The following PTPN9 variants were observed in gnomAD, a reference collection of about 807,000 sequenced individuals.
The protein encoded by PTPN9 is protein tyrosine phosphatase non-receptor type 9, also known as tyrosine-protein phosphatase non-receptor type 9.
A neutral mutation model predicts 69.8 loss-of-function variants in PTPN9; 26 were observed. The ratio of observed to expected loss-of-function variants is 0.37; its 90% CI spans 0.27 to 0.52. The LOEUF is 0.52. PTPN9 is among the 20% of genes least tolerant of loss of function. The pLI is 0.91. For synonymous variants in PTPN9, 274 were observed against 272.5 expected (o/e 1.01, Z -0.05); for missense variants, 549 against 740.3 (o/e 0.74, Z 3.00).
Position 75,463,642 on chromosome 15 carries a change from T to C in PTPN9, c.*5127A>G, listed in dbSNP as rs1282710666. The C allele has an allele frequency of 2.0e-5, 3 of 152,196 alleles. No homozygotes were observed. The highest frequency in any genetic ancestry group is 7.2e-5 in the African/African-American group (3 of 41,450). 9.4% of individuals were successfully genotyped at this position (152,196 alleles called of 1,614,324 possible). A position where few individuals can be genotyped will look rare whatever the true frequency, so the allele number is the denominator to read the frequency against. On this transcript the variant is annotated 3_prime_UTR_variant, in exon 13 of 13. Transcript: ENST00000618819. ...GTAAAGAAGGGAGATTTAAACATTGTAACAGGTTTCAAGGTGCTAGATTTT... is the reference window on the plus strand; with the variant it reads ...GTAAAGAAGGGAGATTTAAACATTGCAACAGGTTTCAAGGTGCTAGATTTT...
Position 75,466,198 on chromosome 15 carries a change from C to G in PTPN9, c.*2571G>C, listed in dbSNP as rs1327857221. 6.6e-6 allele frequency: 1 copy of G among 152,134 alleles called. No homozygotes were observed. The highest frequency in any genetic ancestry group is 1.5e-5 in the Non-Finnish European group (1 of 68,034). 9.4% of individuals were successfully genotyped at this position (152,134 alleles called of 1,614,324 possible). ...TCTCAATTTTTTTCTTCTGTCAATA[C>G]CTACCTCAAAAGGTTGTTGAGGGTG... On this transcript the variant is annotated 3_prime_UTR_variant, in exon 13 of 13. Transcript: ENST00000618819.
At chr15:75,487,575 C>G (rs896543820) in intron 8 of PTPN9, 2 of 152,090 alleles carry the variant, frequency 1.3e-5, no homozygotes, top group Non-Finnish European at 1.5e-5. Context: ...ACAGGGAAGT[C>G]AACAAAATGG....
chr15:75,535,565 T>A (rs1041978323), intron 1 of PTPN9, among the ~76,000 whole-genome samples: 3 of 152,160 alleles, frequency 2.0e-5, no homozygotes, highest in African/African-American at 7.2e-5. Context: ...AAAAATGCAG[T>A]CAGTCATCCT....
intron 9 of PTPN9, among the ~76,000 whole-genome samples, chr15:75,478,090 C>T (rs1002115450): frequency 4.6e-5 from 7 of 151,984 alleles, no homozygotes; most frequent in Non-Finnish European, 8.8e-5. Flanking sequence ...CCGCCTGCCT[C>T]GGCCTCCCAA....
chr15:75,485,461 C>T (rs1173167649), intron 8 of PTPN9, among the ~76,000 whole-genome samples: 2 of 150,186 alleles, frequency 1.3e-5, no homozygotes, highest in East Asian at 2.0e-4. Flanking sequence ...CTCCGCTTCC[C>T]GGGTTCACGC....
intron 7 of PTPN9, among the ~76,000 whole-genome samples, chr15:75,503,177 A>G (rs1355136356): frequency 7.1e-6 from 1 of 140,596 alleles, no homozygotes; most frequent in Admixed American, 7.0e-5. Context: ...CCGCCATCCC[A>G]TCTAGGAAGT....
chr15:75,534,367 C>T (rs1374310116), intron 1 of PTPN9, among the ~76,000 whole-genome samples: 3 of 152,134 alleles, frequency 2.0e-5, no homozygotes, highest in Non-Finnish European at 2.9e-5. Context: ...CAAAACCATA[C>T]ATTTAAACTA....
intron 1 of PTPN9, among the ~76,000 whole-genome samples, chr15:75,554,153 G>A (rs553764251): frequency 1.5e-4 from 23 of 150,534 alleles, no homozygotes; most frequent in African/African-American, 4.1e-4. Flanking sequence ...CAAGTAGCTG[G>A]GACTACAGGA....
At position 75,466,220 on chromosome 15, in the gene PTPN9, G is replaced by A. The variant is rs754481199; in HGVS notation, c.*2549C>T. On this transcript the variant is annotated 3_prime_UTR_variant, in exon 13 of 13. Transcript: ENST00000618819. ...ATACCTACCTCAAAAGGTTGTTGAG[G>A]GTGAATGAGATGATACCTAGAAATT... 1 of 152,144 alleles carries A rather than the reference G, an allele frequency of 6.6e-6. No individual in the cohort carries two copies. The highest frequency in any genetic ancestry group is 2.4e-5 in the African/African-American group (1 of 41,424). 9.4% of individuals were successfully genotyped at this position (152,144 alleles called of 1,614,324 possible).
At chr15:75,486,396 T>C (rs1243359408) in intron 8 of PTPN9, among the ~76,000 whole-genome samples, 1 of 152,136 alleles carries the variant, frequency 6.6e-6, no homozygotes, top group Non-Finnish European at 1.5e-5. Flanking sequence ...CCCTCACCCC[T>C]TCCCCTTCTG....
At chr15:75,537,330 T>G (rs1595964279) in intron 1 of PTPN9, among the ~76,000 whole-genome samples, 1 of 103,394 alleles carries the variant, frequency 9.7e-6, no homozygotes, top group Non-Finnish European at 1.9e-5. Flanking sequence ...CCAGCCTGGG[T>G]GACACAGTGA....
intron 5 of PTPN9, among the ~76,000 whole-genome samples, chr15:75,516,432 T>C (rs1388054717): frequency 2.0e-5 from 3 of 151,282 alleles, no homozygotes; most frequent in Non-Finnish European, 4.4e-5. Context: ...GCCTCCCAAG[T>C]AGCTGGGACT....
At chr15:75,574,437 CA>C (rs1022242447) in intron 1 of PTPN9, among the ~76,000 whole-genome samples, 2 of 151,998 alleles carry the variant, frequency 1.3e-5, no homozygotes, top group African/African-American at 4.8e-5. Context: ...AGGTGGGAAA[CA>C]AAAGTCCTGT....
At chr15:75,514,306 C>T (rs1280180822) in intron 5 of PTPN9, among the ~76,000 whole-genome samples, 2 of 151,878 alleles carry the variant, frequency 1.3e-5, no homozygotes, top group African/African-American at 4.8e-5. Context: ...GGGTCGGGCA[C>T]AGTGGTTCAC....
At chr15:75,480,503 A>C (rs1180867814) in intron 8 of PTPN9, among the ~76,000 whole-genome samples, 1 of 149,290 alleles carries the variant, frequency 6.7e-6, no homozygotes, top group East Asian at 2.1e-4. Context: ...CGGAGGCCCC[A>C]GAAGGCTCGA....
intron 1 of PTPN9, among the ~76,000 whole-genome samples, chr15:75,547,100 A>G (rs1240011625): frequency 1.3e-5 from 2 of 151,376 alleles, no homozygotes; most frequent in East Asian, 3.9e-4. Flanking sequence ...GTTTGAAACC[A>G]GCTGGCCAAA....
intron 9 of PTPN9, among the ~76,000 whole-genome samples, chr15:75,479,276 T>C (rs760503050): frequency 1.3e-5 from 2 of 151,464 alleles, no homozygotes; most frequent in African/African-American, 2.4e-5. Context: ...CACTGCACAA[T>C]AGCCTGGGCG....
At chr15:75,549,211 TTTTC>T (rs1329224298) in intron 1 of PTPN9, among the ~76,000 whole-genome samples, 2 of 152,124 alleles carry the variant, frequency 1.3e-5, no homozygotes, top group African/African-American at 4.8e-5. Flanking sequence ...TTTCATTTTT[TTTTC>T]TTTGAGACAA....
intron 4 of PTPN9, among the ~76,000 whole-genome samples, chr15:75,519,721 C>T (rs1329202124): frequency 1.3e-5 from 2 of 150,484 alleles, no homozygotes; most frequent in Non-Finnish European, 3.0e-5. Flanking sequence ...ATCTGCCCCC[C>T]TCGGCCTCCC....
Sources: gnomAD v4.1 joint callset for allele counts (sites outside exome capture counted in the v4.1 genomes callset) on GRCh38, gnomAD v4.1.1 for gene constraint, MANE v1.5 for transcripts, NCBI Gene and HGNC (gene_info 2026-07-23, HGNC 2026-07-21) for gene names.